Variants in THEM4 observed in about 807,000 individuals in gnomAD.
THEM4 encodes acyl-coenzyme A thioesterase THEM4.
In THEM4, 22 loss-of-function variants were observed where a neutral mutation model predicts 25.0. The ratio of observed to expected loss-of-function variants is 0.88; its 90% CI spans 0.63 to 1.26. THEM4 has a LOEUF of 1.26. Among genes scored for constraint, THEM4 ranks in the 50% most tolerant of loss-of-function variants. The pLI, the probability that THEM4 is intolerant of heterozygous loss-of-function variation, is 0.00. For missense variants in THEM4, 286 were observed against 300.3 expected (o/e 0.95, Z 0.35); for synonymous variants, 113 against 105.6 (o/e 1.07, Z -0.43).
At chr1:151,877,256 A>T in intron 4 of THEM4, 131 bp from the exon 5 acceptor site, 1 of 907,862 alleles carries the variant, frequency 1.1e-6, no homozygotes, top group South Asian at 2.0e-5. Flanking sequence ...ACTGCCTTAG[A>T]CAATACATTC....
chr1:151,889,820 A>T (rs1003107), intron 2 of THEM4: 143,640 of 156,988 alleles, frequency 0.91, 65,727 homozygotes, highest in East Asian at 0.95. Context: ...CCAACACTCA[A>T]GTGATTGTGA....
chr1:151,880,583 G>C (rs1157222561), intron 4 of THEM4, among the ~76,000 whole-genome samples: 3 of 151,926 alleles, frequency 2.0e-5, no homozygotes, highest in Non-Finnish European at 2.9e-5. Flanking sequence ...CTCTTTATTA[G>C]ACGCATATTG....
At chr1:151,880,421 T>C (rs1653786481) in intron 4 of THEM4, among the ~76,000 whole-genome samples, 1 of 151,560 alleles carries the variant, frequency 6.6e-6, no homozygotes, top group East Asian at 1.9e-4. Context: ...GAGGTTGCCA[T>C]AAGCTGAGCT....
intron 5 of THEM4, among the ~76,000 whole-genome samples, chr1:151,876,503 A>T (rs1208356749): frequency 2.7e-5 from 4 of 149,644 alleles, no homozygotes; most frequent in African/African-American, 9.9e-5. Context: ...GCTGGAGTGC[A>T]GAGGTGCGAT....
At chr1:151,905,978 T>C (rs1423991955) in intron 1 of THEM4, among the ~76,000 whole-genome samples, 1 of 152,206 alleles carries the variant, frequency 6.6e-6, no homozygotes, top group Non-Finnish European at 1.5e-5. Context: ...GTGCTGGAAG[T>C]CCTCACAGCC....
chr1:151,906,317 G>A (rs1232005999), intron 1 of THEM4, among the ~76,000 whole-genome samples: 1 of 152,254 alleles, frequency 6.6e-6, no homozygotes, highest in Admixed American at 6.5e-5. Context: ...TCCCCCAGCA[G>A]TGCCGGCCCA....
intron 2 of THEM4, among the ~76,000 whole-genome samples, chr1:151,892,993 C>T (rs1654125841): frequency 6.6e-6 from 1 of 152,280 alleles, no homozygotes; most frequent in Admixed American, 6.5e-5. Flanking sequence ...AAGGAGTCAA[C>T]AGCTGTGCCA....
chr1:151,896,057 A>G lies in THEM4; in HGVS notation c.100-863T>C, dbSNP rs182418058. 2.7e-3 allele frequency among the ~76,000 whole-genome samples: 396 copies of G among 147,624 alleles called. 2 individuals carry two copies. Among genetic ancestry groups the G allele is most frequent in the African/African-American group, 9.2e-3 (367 of 39,912 alleles). On this transcript the variant is annotated intron_variant, in intron 1 of 5. Coordinates refer to ENST00000368814, the MANE Select transcript of THEM4 (RefSeq NM_053055.5). ...GTCCAGGCTGGAGTGCAGTGGCGCA[A>G]TCTTGGCTCACTGCAACCTCCACCT...
Position 151,909,367 on chromosome 1 carries a change from G to T in THEM4, c.92C>A (p.Pro31His). The T allele has an allele frequency of 6.6e-7, 1 of 1,510,128 alleles. No individual in the cohort carries two copies. Among genetic ancestry groups the T allele is most frequent in the Non-Finnish European group, 8.8e-7 (1 of 1,135,064 alleles). 93.5% of individuals were successfully genotyped at this position (1,510,128 alleles called of 1,614,324 possible). Residue 31 changes from proline to histidine, a missense_variant, in exon 1 of 6, where the codon CCC becomes CAC. Pro to His is a moderately conservative substitution (Grantham distance 77, BLOSUM62 -2). Coordinates refer to ENST00000368814, the MANE Select transcript of THEM4 (RefSeq NM_053055.5). Reference sequence around the variant, plus strand: ...GAGGGTGCCCAGACTCACCAGCTCGGGTCGCGGCTCGCTTCCCGGCAGGCG... The same window carrying T: ...GAGGGTGCCCAGACTCACCAGCTCGTGTCGCGGCTCGCTTCCCGGCAGGCG... ...GRRLPGSEPR[P>H]ELRSFSSEEV...
rs940265086 is a variant in THEM4 at position 151,873,898 on chromosome 1, G to C, written c.*990C>G. ...TGGCCTTGGTCAACACCTTGATTTT[G>C]AACTTCTGGCCTCCAGAACTGAGAG... is the stretch of plus-strand genomic sequence containing the variant. On this transcript the variant is annotated 3_prime_UTR_variant, in exon 6 of 6. Transcript: ENST00000368814. 4.6e-5 allele frequency: 7 copies of C among 152,162 alleles called. No individual in the cohort carries two copies. The highest frequency in any genetic ancestry group is 1.7e-4 in the African/African-American group (7 of 41,442). 9.4% of individuals were successfully genotyped at this position (152,162 alleles called of 1,614,324 possible).
intron 1 of THEM4, among the ~76,000 whole-genome samples, chr1:151,907,121 G>T (rs999473003): frequency 2.6e-5 from 4 of 151,642 alleles, no homozygotes; most frequent in African/African-American, 9.7e-5. Flanking sequence ...TGAAGCCAAC[G>T]AGACCACAAA....
intron 2 of THEM4, chr1:151,890,291 G>GC (rs1460145708): frequency 4.8e-6 from 2 of 417,608 alleles, no homozygotes; most frequent in Non-Finnish European, 9.8e-6. Context: ...TTTAGACACA[G>GC]TTTTTTTTCA....
At chr1:151,883,201 C>T (rs1653886008) in intron 4 of THEM4, among the ~76,000 whole-genome samples, 1 of 151,546 alleles carries the variant, frequency 6.6e-6, no homozygotes, top group South Asian at 2.1e-4. Flanking sequence ...CACTGCAACT[C>T]TCAGGTTCAA....
intron 4 of THEM4, 45 bp from the exon 5 acceptor site, chr1:151,877,170 CTT>C (rs1290836055): frequency 4.5e-6 from 7 of 1,559,450 alleles, no homozygotes; most frequent in East Asian, 2.2e-5. Context: ...TTTTATCTGA[CTT>C]ATATAACATT....
In THEM4 at chr1:151,888,308, G is replaced by T; in HGVS notation, c.522C>A (p.Ile174=). 6.2e-7 allele frequency: 1 copy of T among 1,613,388 alleles called. No homozygotes were observed. The highest frequency in any genetic ancestry group is 8.5e-7 in the Non-Finnish European group (1 of 1,179,604). Residue 174 remains isoleucine, a synonymous_variant, in exon 4 of 6, where the codon ATC becomes ATA. Transcript: ENST00000368814. ...TGATGTTGAGATTGGCAGTCATGAC[G>T]ATTCCCCCAGCCATCATTGCACACA... ...VGMCAMMAGG[I]VMTANLNINY... is the part of the protein sequence containing the mutation.
rs2101713568 is a variant in THEM4, at chr1:151,874,797, A to G, written c.*91T>C. 3 of 1,199,522 alleles carry G rather than the reference A, an allele frequency of 2.5e-6. No homozygotes were observed. The highest frequency in any genetic ancestry group is 2.4e-5 in the South Asian group (2 of 82,390). 74.3% of individuals were successfully genotyped at this position (1,199,522 alleles called of 1,614,324 possible). A position where few individuals can be genotyped will look rare whatever the true frequency, so the allele number is the denominator to read the frequency against. ...GGTCACTGTTGGCAGGCTTCTCCCT[A>G]CAGGGATTCAGCAGTGAGGGAGCAG... On this transcript the variant is annotated 3_prime_UTR_variant, in exon 6 of 6. Coordinates refer to ENST00000368814, the MANE Select transcript of THEM4 (RefSeq NM_053055.5).
At chr1:151,906,440 C>T (rs374124643) in intron 1 of THEM4, among the ~76,000 whole-genome samples, 18 of 152,382 alleles carry the variant, frequency 1.2e-4, no homozygotes, top group East Asian at 1.9e-4. Context: ...GGCTCCTGCA[C>T]GGCCCGAGCC....
At chr1:151,899,278 G>C (rs1654293553) in intron 1 of THEM4, among the ~76,000 whole-genome samples, 1 of 152,118 alleles carries the variant, frequency 6.6e-6, no homozygotes, top group Non-Finnish European at 1.5e-5. Context: ...AGATCACAAG[G>C]TCAAGAGATT....
chr1:151,899,287 T>C lies in THEM4; in HGVS notation c.100-4093A>G, dbSNP rs1235688423. 2.6e-5 allele frequency among the ~76,000 whole-genome samples: 4 copies of C among 152,094 alleles called. No homozygotes were observed. In the East Asian group the frequency reaches 5.8e-4, roughly 22 times the overall value. Reference sequence around the variant, plus strand: ...GTGGGCAGATCACAAGGTCAAGAGATTGAGACCATCCTGGCCAACATGGTG... The same window carrying C: ...GTGGGCAGATCACAAGGTCAAGAGACTGAGACCATCCTGGCCAACATGGTG... On this transcript the variant is annotated intron_variant, in intron 1 of 5. Transcript: ENST00000368814.
Sources: gnomAD v4.1 joint callset for allele counts (sites outside exome capture counted in the v4.1 genomes callset) on GRCh38, gnomAD v4.1.1 for gene constraint, MANE v1.5 for transcripts, NCBI Gene and HGNC (gene_info 2026-07-23, HGNC 2026-07-21) for gene names.